FLT4: variants seen among roughly 807,000 people sequenced by gnomAD.
FLT4 encodes fms related receptor tyrosine kinase 4, also known as vascular endothelial growth factor receptor 3.
A neutral mutation model predicts 163.2 loss-of-function variants in FLT4; 30 were observed. The observed-to-expected ratio is 0.18, with a 90% CI of 0.14 to 0.25. The LOEUF is 0.25. Among genes scored for constraint, FLT4 ranks in the 10% least tolerant of loss-of-function variants. The pLI is 1.00. For missense variants in FLT4, 1,510 were observed against 1,863.8 expected (o/e 0.81, Z 3.50); for synonymous variants, 884 against 789.5 (o/e 1.12, Z -2.01).
At position 180,611,491 on chromosome 5, in the gene FLT4, A is replaced by G. The variant is rs757374652; in HGVS notation, c.3538-12T>C. On this transcript the variant is annotated splice_polypyrimidine_tract_variant and intron_variant, in intron 26 of 29. Coordinates refer to ENST00000261937, the MANE Select transcript of FLT4 (RefSeq NM_182925.5). ...ACCTCCTCTTCCTCCTGGCGGGAACAGGAGAGGCAGCCAGGCCAGAAACCA... is the reference window on the plus strand; with the variant it reads ...ACCTCCTCTTCCTCCTGGCGGGAACGGGAGAGGCAGCCAGGCCAGAAACCA... 1.9e-6 allele frequency: 3 copies of G among 1,612,804 alleles called. No homozygotes were observed. Among genetic ancestry groups the G allele is most frequent in the South Asian group, 2.2e-5 (2 of 91,040 alleles).
chr5:180,619,534 C>T, intron 18 of FLT4, 131 bp downstream of exon 18: 1 of 993,912 alleles, frequency 1.0e-6, no homozygotes, highest in South Asian at 1.3e-5. Flanking sequence ...AGCCCGCAGC[C>T]TCCCTGTAGA....
intron 1 of FLT4, among the ~76,000 whole-genome samples, chr5:180,632,807 G>C (rs992056453): frequency 6.6e-6 from 1 of 152,150 alleles, no homozygotes; most frequent in African/African-American, 2.4e-5. Flanking sequence ...TATGTGGTGG[G>C]ATCCCGGTGT....
At chr5:180,609,359 G>A in intron 28 of FLT4, 1 of 498,202 alleles carries the variant, frequency 2.0e-6, no homozygotes, top group Non-Finnish European at 3.7e-6. Flanking sequence ...GGGAGAAGCA[G>A]GGAGAGGCCT....
chr5:180,649,133 G>C (rs1476413827), intron 1 of FLT4, among the ~76,000 whole-genome samples: 2 of 151,762 alleles, frequency 1.3e-5, no homozygotes, highest in Non-Finnish European at 2.9e-5. Context: ...GACCCCGCGG[G>C]GAAGCGAGTA....
At chr5:180,616,875 T>C in intron 22 of FLT4, 25 bp downstream of exon 22, 1 of 1,592,366 alleles carries the variant, frequency 6.3e-7, no homozygotes, top group South Asian at 1.1e-5. Flanking sequence ...TTTTCCCGTC[T>C]GAAGGGCCTT....
intron 23 of FLT4, among the ~76,000 whole-genome samples, chr5:180,614,910 C>T (rs549484791): frequency 2.0e-5 from 3 of 152,256 alleles, no homozygotes; most frequent in African/African-American, 7.2e-5. Context: ...CCCTGACCCG[C>T]CTTGGAGGCT....
At chr5:180,619,186 G>T in intron 19 of FLT4, 67 bp downstream of exon 19, 1 of 1,305,372 alleles carries the variant, frequency 7.7e-7, no homozygotes, top group Non-Finnish European at 9.9e-7. Context: ...TTGCACCCGC[G>T]CCCCCTCCCG....
intron 1 of FLT4, among the ~76,000 whole-genome samples, chr5:180,647,767 A>C (rs1293750948): frequency 1.3e-5 from 2 of 152,070 alleles, no homozygotes; most frequent in African/African-American, 4.8e-5. Context: ...GGTCCAGCCC[A>C]GGACACCCCT....
chr5:180,603,841 T>C (rs1277531835), intron 29 of FLT4, among the ~76,000 whole-genome samples: 4 of 151,672 alleles, frequency 2.6e-5, no homozygotes, highest in South Asian at 4.2e-4. Flanking sequence ...GAGGCGGAGC[T>C]TGCAGTGAGC....
rs150040385 is a variant in FLT4, at chr5:180,614,138, G to A, written c.3261C>T (p.Phe1087=). The part of the protein sequence containing the change: ...PLKWMAPESI[F]DKVYTTQSDV... ...CACTCTGCGTGGTGTACACCTTGTC[G>A]AAGATGCTTTCAGGGGCCATCCACT... is the stretch of plus-strand genomic sequence containing the variant. Residue 1087 remains phenylalanine, a synonymous_variant, in exon 24 of 30, where the codon TTC becomes TTT. Transcript: ENST00000261937. The A allele has an allele frequency of 2.0e-4, 327 of 1,614,002 alleles. No individual in the cohort carries two copies. The highest frequency in any genetic ancestry group is 2.0e-3 in the Middle Eastern group (12 of 6,052).
At chr5:180,605,458 C>T (rs563999968) in intron 29 of FLT4, among the ~76,000 whole-genome samples, 6 of 152,154 alleles carry the variant, frequency 3.9e-5, no homozygotes, top group South Asian at 4.2e-4. Flanking sequence ...AATTGTCTAC[C>T]GGGAAGTTTT....
intron 1 of FLT4, among the ~76,000 whole-genome samples, chr5:180,643,465 G>A (rs1765278299): frequency 6.6e-6 from 1 of 151,722 alleles, no homozygotes; most frequent in African/African-American, 2.4e-5. Flanking sequence ...TCCCCTCCCC[G>A]CTGCTGGCCA....
Position 180,620,098 on chromosome 5 carries a change from G to A in FLT4, c.2542+75C>T. ...CCTGGTGCAAGTTTTGAAAATGGAG[G>A]GATTCAGGCACTCCGGCCTGCAGCA... On this transcript the variant is annotated intron_variant, in intron 17 of 29. Coordinates refer to ENST00000261937, the MANE Select transcript of FLT4 (RefSeq NM_182925.5). The surrounding 1 kb of genome is among the most constrained non-coding windows in gnomAD (Gnocchi z 4.4). 4.6e-6 allele frequency: 7 copies of A among 1,529,672 alleles called. No individual in the cohort carries two copies. The highest frequency in any genetic ancestry group is 2.4e-5 in the South Asian group (2 of 84,550). The allele number at this position is 1,529,672 out of a possible 1,614,324, so 94.8% of individuals were successfully genotyped here. A position where few individuals can be genotyped will look rare whatever the true frequency, so the allele number is the denominator to read the frequency against.
chr5:180,642,023 A>G (rs1183329493), intron 1 of FLT4, among the ~76,000 whole-genome samples: 1 of 152,148 alleles, frequency 6.6e-6, no homozygotes, highest in Non-Finnish European at 1.5e-5. Context: ...CCTGGCCAAC[A>G]TGGTGAAACC....
intron 1 of FLT4, among the ~76,000 whole-genome samples, chr5:180,649,196 G>A (rs1451612916): frequency 6.6e-6 from 1 of 151,916 alleles, no homozygotes; most frequent in Non-Finnish European, 1.5e-5. Context: ...CCGGCTCCGA[G>A]GACGCGGAGC....
intron 8 of FLT4, among the ~76,000 whole-genome samples, chr5:180,626,752 GCA>G (rs1239553419): frequency 6.6e-6 from 1 of 152,234 alleles, no homozygotes; most frequent in East Asian, 1.9e-4. Context: ...GTCCCTGCGA[GCA>G]CAGTCTAGCT....
chr5:180,612,676 C>CAGGAAGGCTGGGGCA, intron 25 of FLT4, 65 bp from the exon 26 acceptor site: 1 of 1,235,456 alleles, frequency 8.1e-7, no homozygotes, highest in Non-Finnish European at 1.2e-6. Context: ...CTTCAGTGCC[C>CAGGAAGGCTGGGGCA]CAGCCTTCCT....
intron 1 of FLT4, among the ~76,000 whole-genome samples, chr5:180,638,052 G>A (rs1016735078): frequency 1.1e-4 from 17 of 152,090 alleles, no homozygotes; most frequent in Admixed American, 1.1e-3. Flanking sequence ...ACAGGATAGG[G>A]AGCCGCGCAT....
intron 1 of FLT4, among the ~76,000 whole-genome samples, chr5:180,643,486 C>T (rs936602438): frequency 1.3e-5 from 2 of 151,558 alleles, no homozygotes. Context: ...GCCTCAATGG[C>T]TCTCCCCCCG....
Sources: gnomAD v4.1 joint callset for allele counts (sites outside exome capture counted in the v4.1 genomes callset) on GRCh38, gnomAD v4.1.1 for gene constraint, Gnocchi (gnomAD v3.1) non-coding constraint, MANE v1.5 for transcripts, NCBI Gene and HGNC (gene_info 2026-07-23, HGNC 2026-07-21) for gene names.